Variants in BMPR2 observed in about 807,000 individuals in gnomAD.
BMPR2 encodes the protein bone morphogenetic protein receptor type-2.
Under a neutral mutation model 100.8 loss-of-function variants are expected in BMPR2, and 29 were observed. The observed-to-expected ratio is 0.29, with a 90% CI of 0.21 to 0.39. The LOEUF (loss-of-function observed/expected upper bound fraction) is 0.39. BMPR2 is among the 10% of genes least tolerant of loss of function. BMPR2 has a pLI of 1.00. For synonymous variants in BMPR2, 382 were observed against 442.3 expected, an observed-to-expected ratio of 0.86 and a Z score of 1.71; for missense variants, 1,011 against 1,274.5, an observed-to-expected ratio of 0.79 and a Z score of 3.15.
chr2:202,545,449 G>A (rs975365931), intron 10 of BMPR2, among the ~76,000 whole-genome samples: 6 of 151,844 alleles, frequency 4.0e-5, no homozygotes, highest in Non-Finnish European at 5.9e-5. Context: ...TTGTTTTTAT[G>A]CTTTACACAA....
chr2:202,550,850 G>A (rs905006577), intron 10 of BMPR2, among the ~76,000 whole-genome samples: 2 of 150,964 alleles, frequency 1.3e-5, no homozygotes, highest in African/African-American at 4.9e-5. Context: ...TATAATAATA[G>A]TGGCTTTTAT....
Position 202,516,912 on chromosome 2 carries a change from T to C in BMPR2, c.622-1910T>C, listed in dbSNP as rs191721599. Among the ~76,000 whole-genome samples the C allele has an allele frequency of 1.1e-3, 163 of 152,334 alleles. 1 individual carries two copies. The highest frequency in any genetic ancestry group is 3.5e-3 in the African/African-American group (147 of 41,584). The stretch of plus-strand genomic sequence containing the variant: ...ACAACATATATCCTTAAATAAATGA[T>C]GGTAAATCCCCAACCTGTTTTAATA... On this transcript the variant is annotated intron_variant, in intron 5 of 12. Transcript: ENST00000374580.
At chr2:202,543,416 T>C (rs1397979584) in intron 10 of BMPR2, among the ~76,000 whole-genome samples, 1 of 151,450 alleles carries the variant, frequency 6.6e-6, no homozygotes, top group African/African-American at 2.4e-5. Flanking sequence ...TTATCTACTA[T>C]CATTTCTGAA....
intron 10 of BMPR2, among the ~76,000 whole-genome samples, chr2:202,550,816 TA>T (rs1424391931): frequency 6.6e-6 from 1 of 152,124 alleles, no homozygotes; most frequent in African/African-American, 2.4e-5. Flanking sequence ...TTTTTGTTTT[TA>T]AAAAGGAGTT....
intron 1 of BMPR2, among the ~76,000 whole-genome samples, chr2:202,419,293 AT>A (rs1691207481): frequency 2.6e-5 from 4 of 152,062 alleles, no homozygotes; most frequent in Admixed American, 2.0e-4. Context: ...TTAGCGTAAC[AT>A]TTTCTAGGTA....
intron 3 of BMPR2, 144 bp downstream of exon 3, chr2:202,467,833 T>TG: frequency 2.4e-6 from 2 of 823,042 alleles, no homozygotes; most frequent in Non-Finnish European, 3.9e-6. Flanking sequence ...CCGAGGTGGA[T>TG]GGATCACCTG....
intron 9 of BMPR2, among the ~76,000 whole-genome samples, chr2:202,538,793 CAAA>C (rs34853164): frequency 3.3e-5 from 2 of 60,324 alleles, no homozygotes; most frequent in Non-Finnish European, 3.3e-5. Context: ...GACTCTGTCT[CAAA>C]AAAAAAAAAA....
intron 1 of BMPR2, among the ~76,000 whole-genome samples, chr2:202,393,471 T>G (rs1471637633): frequency 6.6e-6 from 1 of 152,018 alleles, no homozygotes; most frequent in Non-Finnish European, 1.5e-5. Flanking sequence ...AATATATATA[T>G]TTTTTTGTAG....
At chr2:202,528,600 G>A (rs1438728271) in intron 7 of BMPR2, among the ~76,000 whole-genome samples, 1 of 152,190 alleles carries the variant, frequency 6.6e-6, no homozygotes, top group Non-Finnish European at 1.5e-5. Flanking sequence ...TCATAGCTTA[G>A]CCTAAACTAT....
intron 1 of BMPR2, among the ~76,000 whole-genome samples, chr2:202,427,169 G>A (rs1691403714): frequency 6.6e-6 from 1 of 152,038 alleles, no homozygotes; most frequent in South Asian, 2.1e-4. Context: ...TGCCAACATA[G>A]TGAGACCCCC....
chr2:202,446,598 A>G (rs1214430712), intron 1 of BMPR2, among the ~76,000 whole-genome samples: 1 of 149,954 alleles, frequency 6.7e-6, no homozygotes, highest in Non-Finnish European at 1.5e-5. Flanking sequence ...TGATCCTACC[A>G]CATTTGGGGA....
intron 1 of BMPR2, among the ~76,000 whole-genome samples, chr2:202,463,622 G>A (rs780729720): frequency 3.9e-5 from 6 of 152,140 alleles, no homozygotes; most frequent in Non-Finnish European, 7.4e-5. Context: ...AAAGCCTACT[G>A]TAAGAAATGA....
intron 10 of BMPR2, among the ~76,000 whole-genome samples, chr2:202,550,790 G>A (rs944339889): frequency 6.6e-6 from 1 of 151,948 alleles, no homozygotes; most frequent in Non-Finnish European, 1.5e-5. Context: ...GCAACAGAAT[G>A]AGACCTCTTT....
chr2:202,468,937 G>C (rs1039200459), intron 3 of BMPR2, among the ~76,000 whole-genome samples: 1 of 151,882 alleles, frequency 6.6e-6, no homozygotes, highest in Non-Finnish European at 1.5e-5. Flanking sequence ...TTATTTATAA[G>C]GGATCCAAGG....
intron 1 of BMPR2, among the ~76,000 whole-genome samples, chr2:202,412,780 CA>C (rs1691039714): frequency 1.3e-5 from 2 of 152,118 alleles, no homozygotes; most frequent in South Asian, 4.1e-4. Flanking sequence ...TTATTTTAGA[CA>C]TTTTTTTGTG....
intron 7 of BMPR2, 75 bp from the exon 8 acceptor site, chr2:202,530,719 T>C: frequency 7.6e-7 from 1 of 1,313,274 alleles, no homozygotes; most frequent in Non-Finnish European, 1.1e-6. Flanking sequence ...ATACTACTTC[T>C]ATATTTATGT....
chr2:202,379,596 A>C (rs1420339168), intron 1 of BMPR2, among the ~76,000 whole-genome samples: 1 of 152,198 alleles, frequency 6.6e-6, no homozygotes, highest in Non-Finnish European at 1.5e-5. Context: ...GCTTGGCCTA[A>C]TATTGAAGTG....
chr2:202,402,421 G>T (rs1035440960), intron 1 of BMPR2, among the ~76,000 whole-genome samples: 4 of 152,084 alleles, frequency 2.6e-5, no homozygotes, highest in Admixed American at 2.0e-4. Flanking sequence ...GGAGGCTGAG[G>T]CAGGAGAATC....
intron 10 of BMPR2, among the ~76,000 whole-genome samples, chr2:202,549,613 G>T (rs1483768357): frequency 1.3e-5 from 2 of 152,018 alleles, no homozygotes; most frequent in African/African-American, 4.8e-5. Flanking sequence ...GCCGGGTGTG[G>T]TGGTGCATAC....
Sources: gnomAD v4.1 joint callset for allele counts (sites outside exome capture counted in the v4.1 genomes callset) on GRCh38, gnomAD v4.1.1 for gene constraint, MANE v1.5 for transcripts, NCBI Gene and HGNC (gene_info 2026-07-23, HGNC 2026-07-21) for gene names.